Variants in SPTBN5 observed in about 807,000 individuals in gnomAD.
SPTBN5 encodes the protein spectrin beta, non-erythrocytic 5.
In SPTBN5, 513 loss-of-function variants were observed where a neutral mutation model predicts 477.6. The observed-to-expected ratio is 1.07, with a 90% CI of 1.00 to 1.16. The LOEUF is 1.16. Ranked by LOEUF, SPTBN5 falls within the 50% of genes most tolerant of loss-of-function variation. SPTBN5 has a pLI of 0.00. For synonymous variants in SPTBN5, 2,169 were observed against 2,011.7 expected (o/e 1.08, Z -2.09); for missense variants, 5,062 against 4,731.8 (o/e 1.07, Z -2.05).
chr15:41,891,304 C>T (rs1336357948), intron 3 of SPTBN5, among the ~76,000 whole-genome samples: 1 of 152,238 alleles, frequency 6.6e-6, no homozygotes, highest in East Asian at 1.9e-4. Context: ...CCGGCCACTA[C>T]TAGCCCTGTG....
rs374329829 is a variant in SPTBN5, at chr15:41,861,280, A to G, written c.7815+139T>C. On this transcript the variant is annotated intron_variant, in intron 46 of 67. Transcript: ENST00000320955. ...ATGACGGGTAAGTAACTGCCCAGTGACGGATGTGGCCCAGGGTGGGGAGAT... is the reference window on the plus strand; with the variant it reads ...ATGACGGGTAAGTAACTGCCCAGTGGCGGATGTGGCCCAGGGTGGGGAGAT... The G allele has an allele frequency of 1.2e-3, 836 of 725,370 alleles. 3 individuals are homozygous for G. The African/African-American group carries it at 0.013, about 11-fold the overall frequency. The allele number at this position is 725,370 out of a possible 1,614,324, so 44.9% of individuals were successfully genotyped here.
rs1404949508 is a variant in SPTBN5 at position 41,874,837 on chromosome 15, C to A, written c.4502+5G>T. The A allele has an allele frequency of 6.3e-7, 1 of 1,599,544 alleles. No homozygotes were observed. Among genetic ancestry groups the A allele is most frequent in the Admixed American group, 1.7e-5 (1 of 59,650 alleles). ...CACACAGGTGGGTGGGAGGACAGAC[C>A]CCACCTCCGGAGGTGCTTCTGGGTC... On this transcript the variant is annotated splice_donor_5th_base_variant and intron_variant, in intron 23 of 67. Coordinates refer to ENST00000320955, the MANE Select transcript of SPTBN5 (RefSeq NM_016642.4).
At chr15:41,852,401 A>G in intron 61 of SPTBN5, 85 bp from the exon 62 acceptor site, 1 of 1,478,134 alleles carries the variant, frequency 6.8e-7, no homozygotes, top group South Asian at 1.3e-5. Flanking sequence ...CCCCTCCCCC[A>G]GCCCTCCCGG....
At position 41,858,901 on chromosome 15, in the gene SPTBN5, C is replaced by G. The variant is rs376363277; in HGVS notation, c.8068G>C (p.Asp2690His). The G allele has an allele frequency of 9.4e-6, 15 of 1,590,184 alleles. No homozygotes were observed. In the African/African-American group the frequency reaches 1.6e-4, roughly 17 times the overall value. The change falls in exon 48 of 68, where the codon GAC (aspartate) becomes CAC (histidine). Residue 2690 changes from aspartate (D) to histidine (H), a missense_variant. Asp to His is a moderately conservative substitution (Grantham distance 81). Transcript: ENST00000320955. The part of the protein sequence containing the change: ...ELRQLQAFLQ[D>H]SQEVAAWLRE... ...CAAGCGAGGCGAACCTCCTGGGAGT[C>G]CTGCAGGAAGGCCTGCAGCTGCCGG...
chr15:41,892,495 C>T (rs1231084206), intron 3 of SPTBN5, among the ~76,000 whole-genome samples: 1 of 152,194 alleles, frequency 6.6e-6, no homozygotes, highest in Non-Finnish European at 1.5e-5. Context: ...GTCTTAGTCC[C>T]ACATCTGGGC....
chr15:41,893,241 C>A (rs1672459), intron 2 of SPTBN5, 41 bp downstream of exon 2: 21 of 1,611,094 alleles, frequency 1.3e-5, no homozygotes, highest in Admixed American at 5.0e-5. Context: ...AGCTGGGGGC[C>A]TGGTATGGGT....
chr15:41,854,350 C>T, intron 56 of SPTBN5, 145 bp from the exon 57 acceptor site: 1 of 981,072 alleles, frequency 1.0e-6, no homozygotes, highest in Non-Finnish European at 1.5e-6. Flanking sequence ...AAACCATCCT[C>T]CATGCTGCAG....
rs548079496 is a variant in SPTBN5 at position 41,854,102 on chromosome 15, C to A, written c.9722G>T (p.Gly3241Val). 1.9e-6 allele frequency: 3 copies of A among 1,583,620 alleles called. No individual in the cohort carries two copies. In the South Asian group the frequency reaches 3.5e-5, roughly 18 times the overall value. ...GGTCCGCACAGATGACAGGCTGTGGCCTCCGTCCTCCCCCTTCATCAGGGC... is the reference window on the plus strand; with the variant it reads ...GGTCCGCACAGATGACAGGCTGTGGACTCCGTCCTCCCCCTTCATCAGGGC... Reference protein sequence around the residue: ...KTALMKGEDGGHSLSSVRTLQ... With the variant: ...KTALMKGEDGVHSLSSVRTLQ... Residue 3241 changes from glycine to valine, a missense_variant, in exon 57 of 68, where the codon GGC becomes GTC. Physicochemically the swap from Gly to Val is moderately radical, Grantham distance 109. Transcript: ENST00000320955.
rs2065743652 is a variant in SPTBN5 at position 41,851,105 on chromosome 15, C to T, written c.10789G>A (p.Glu3597Lys). Residue 3597 changes from glutamate to lysine, a missense_variant, in exon 65 of 68, where the codon GAG becomes AAG. Glu to Lys is a moderately conservative substitution (Grantham distance 56, BLOSUM62 1). Transcript: ENST00000320955. ...CTGCCGTGGCGGCCCCGCAGCCTCT[C>T]ACACCGGGCTCCCGTGAGGTCAAGG... is the stretch of plus-strand genomic sequence containing the variant. ...ALLDLTGARC[E>K]RLRGRHGRKH... 1.2e-6 allele frequency: 2 copies of T among 1,613,242 alleles called. No individual in the cohort carries two copies. Among genetic ancestry groups the T allele is most frequent in the East Asian group, 4.5e-5 (2 of 44,880 alleles).
In SPTBN5 at chr15:41,862,919, G is replaced by A. The variant is rs148666427; in HGVS notation, c.7150-16C>T. The A allele has an allele frequency of 2.3e-5, 36 of 1,558,108 alleles. No individual in the cohort carries two copies. In the African/African-American group the frequency reaches 2.9e-4, roughly 12 times the overall value. On this transcript the variant is annotated splice_polypyrimidine_tract_variant and intron_variant, in intron 41 of 67. Transcript: ENST00000320955. ...TCAGGGCTTCCTGGAGGAGGGGCACGGCCAGTTACCTGCTGGGCCTTTGCT... is the reference window on the plus strand; with the variant it reads ...TCAGGGCTTCCTGGAGGAGGGGCACAGCCAGTTACCTGCTGGGCCTTTGCT...
At chr15:41,856,146 A>G (rs1011776405) in intron 53 of SPTBN5, among the ~76,000 whole-genome samples, 1 of 152,246 alleles carries the variant, frequency 6.6e-6, no homozygotes, top group African/African-American at 2.4e-5. Flanking sequence ...TGAAGGTTCC[A>G]GGTGATTCTC....
chr15:41,881,202 G>A lies in SPTBN5; in HGVS notation c.2490C>T (p.Ser830=). ...VNSALSPPGE[S]LRNPGPWSEA... ...CACTCCAGGGCCCTGGGTTCCTCAGGCTTTCTCCTGGAGGGCTCAGGGCAG... is the reference window on the plus strand; with the variant it reads ...CACTCCAGGGCCCTGGGTTCCTCAGACTTTCTCCTGGAGGGCTCAGGGCAG... Residue 830 remains serine, a synonymous_variant, in exon 13 of 68, where the codon AGC becomes AGT. Transcript: ENST00000320955. The A allele has an allele frequency of 6.2e-7, 1 of 1,612,040 alleles. No individual in the cohort carries two copies. The highest frequency in any genetic ancestry group is 8.5e-7 in the Non-Finnish European group (1 of 1,179,622).
rs1359707070 is a variant in SPTBN5, at chr15:41,873,624, C to A, written c.4891-16G>T. On this transcript the variant is annotated splice_polypyrimidine_tract_variant and intron_variant, in intron 25 of 67. Transcript: ENST00000320955. ...CCAGAAAGTACTGCCAAGAGTGGGG[C>A]CAACTCACCTGGAGGATCTCAGACA... 1 of 1,544,154 alleles carries A rather than the reference C, an allele frequency of 6.5e-7. No individual in the cohort carries two copies. Among genetic ancestry groups the A allele is most frequent in the Non-Finnish European group, 8.8e-7 (1 of 1,141,638 alleles).
chr15:41,887,187 C>T (rs1252300469), intron 6 of SPTBN5, 26 bp downstream of exon 6: 4 of 1,545,894 alleles, frequency 2.6e-6, no homozygotes, highest in Non-Finnish European at 3.5e-6. Flanking sequence ...AGCCCTTGCT[C>T]ACCCCACCCC....
intron 67 of SPTBN5, 35 bp downstream of exon 67, chr15:41,849,834 C>T (rs1027434887): frequency 2.6e-6 from 4 of 1,526,016 alleles, no homozygotes; most frequent in South Asian, 1.2e-5. Context: ...AAGCCCAGGG[C>T]TCCCCGCCCT....
chr15:41,874,127 A>C (rs2066636991), intron 24 of SPTBN5, 82 bp from the exon 25 acceptor site: 1 of 1,518,592 alleles, frequency 6.6e-7, no homozygotes, highest in Admixed American at 2.0e-5. Context: ...TCCAGGCCCC[A>C]ATCATGGCAA....
At chr15:41,865,254 C>G (rs994982572) in intron 39 of SPTBN5, among the ~76,000 whole-genome samples, 1 of 152,086 alleles carries the variant, frequency 6.6e-6, no homozygotes, top group Non-Finnish European at 1.5e-5. Flanking sequence ...GGTGAGAAGA[C>G]GCTGAGACGC....
chr15:41,864,588 A>T (rs2066234279), intron 39 of SPTBN5, among the ~76,000 whole-genome samples: 1 of 152,228 alleles, frequency 6.6e-6, no homozygotes. Flanking sequence ...TGCTGGGATT[A>T]CAAGCGTGAG....
At position 41,862,223 on chromosome 15, in the gene SPTBN5, G is replaced by A. The variant is rs775444861; in HGVS notation, c.7455C>T (p.Ser2485=). Residue 2485 remains serine (S), a synonymous_variant, in exon 44 of 68, where the codon AGC becomes AGT. Transcript: ENST00000320955. ...CCATCTGAGCCCGCAGCCTCTGGGC[G>A]CTGACCAGCAATTCCTGCAGCATTG... The part of the protein sequence containing the change: ...LQAMLQELLV[S]AQRLRAQMDT... 2.7e-5 allele frequency: 43 copies of A among 1,611,650 alleles called. No homozygotes were observed. Among genetic ancestry groups the A allele is most frequent in the Admixed American group, 2.5e-4 (15 of 59,928 alleles).
Sources: allele counts gnomAD v4.1 joint callset (sites outside exome capture counted in the v4.1 genomes callset), GRCh38; gene constraint gnomAD v4.1.1; transcripts MANE v1.5; gene names NCBI Gene and HGNC (gene_info 2026-07-23, HGNC 2026-07-21).